SNAPC4: variants seen among roughly 807,000 people sequenced by gnomAD.
SNAPC4 encodes the protein small nuclear RNA activating complex polypeptide 4, also known as snRNA-activating protein complex subunit 4.
Under a neutral mutation model 151.3 loss-of-function variants are expected in SNAPC4, and 127 were observed. That is an observed-to-expected ratio of 0.84 (90% CI 0.73 to 0.97). The LOEUF (loss-of-function observed/expected upper bound fraction) is 0.97, where lower values mean the gene tolerates loss of function less well. Among genes scored for constraint, SNAPC4 ranks in the 50% least tolerant of loss-of-function variants. SNAPC4 has a pLI of 0.00. For missense variants in SNAPC4, 2,186 were observed against 1,935.0 expected, an observed-to-expected ratio of 1.13 and a Z score of -2.43; for synonymous variants, 1,002 against 824.4, an observed-to-expected ratio of 1.22 and a Z score of -3.69.
At chr9:136,399,841 G>C (rs985279991) in intron 1 of SNAPC4, among the ~76,000 whole-genome samples, 5 of 152,176 alleles carry the variant, frequency 3.3e-5, no homozygotes, top group African/African-American at 9.6e-5. Flanking sequence ...CGGAATCGCC[G>C]GCGCAGTCCC....
intron 14 of SNAPC4, among the ~76,000 whole-genome samples, chr9:136,384,273 C>T (rs979140645): frequency 2.0e-5 from 3 of 152,116 alleles, no homozygotes; most frequent in African/African-American, 4.8e-5. Context: ...TCGTCCTAAG[C>T]GCACACCACG....
chr9:136,383,261 GCCGTGGGCCCTGGCAGGGAC>G lies in SNAPC4; in HGVS notation c.1888_1907del (p.Val630ProfsTer73). 1.2e-6 allele frequency: 2 copies of G among 1,610,314 alleles called. No homozygotes were observed. The highest frequency in any genetic ancestry group is 1.7e-6 in the Non-Finnish European group (2 of 1,178,724). ...AGGCCTGGGCAGACCTCGGGACAGG[GCCGTGGGCCCTGGCAGGGAC>G]CTGCACCGGACTCGTCTCCTCTCCA... On this transcript the variant is annotated frameshift_variant, in exon 16 of 24. Coordinates refer to ENST00000684778, the MANE Select transcript of SNAPC4 (RefSeq NM_003086.4). LOFTEE classifies it high-confidence loss of function. This position sits in a 1 kb window ranked among gnomAD's most constrained non-coding sequence, Gnocchi z 4.2.
chr9:136,377,868 T>C lies in SNAPC4; in HGVS notation c.3959A>G (p.His1320Arg), dbSNP rs1335176916. Residue 1320 changes from histidine (H) to arginine (R), a missense_variant, in exon 22 of 24, where the codon CAC becomes CGC. Physicochemically the swap from His to Arg is conservative, Grantham distance 29. Coordinates refer to ENST00000684778, the MANE Select transcript of SNAPC4 (RefSeq NM_003086.4). ...GGCCTTGTGCTCCAGGGCCTTCTTG[T>C]GGAGTAGGAGACCGGACAGAGCTCG... ...SLRALSGLLL[H>R]KKALEHKATS... is the part of the protein sequence containing the mutation. 3 of 1,611,506 alleles carry C rather than the reference T, an allele frequency of 1.9e-6. No individual in the cohort carries two copies. Among genetic ancestry groups the C allele is most frequent in the East Asian group, 4.5e-5 (2 of 44,856 alleles).
intron 1 of SNAPC4, among the ~76,000 whole-genome samples, 192 bp downstream of exon 1, chr9:136,399,942 G>A (rs1010795505): frequency 1.6e-4 from 24 of 152,204 alleles, no homozygotes; most frequent in East Asian, 7.7e-4. Context: ...GGCTCCCAGG[G>A]CCAGAATCCC....
intron 10 of SNAPC4, among the ~76,000 whole-genome samples, chr9:136,391,607 C>A (rs1011325561): frequency 6.6e-6 from 1 of 152,204 alleles, no homozygotes; most frequent in East Asian, 1.9e-4. Flanking sequence ...GAGGAAAAAG[C>A]GCTTTAGAAA....
At chr9:136,396,576 C>T (rs375925045) in intron 3 of SNAPC4, among the ~76,000 whole-genome samples, 21 of 152,292 alleles carry the variant, frequency 1.4e-4, no homozygotes, top group African/African-American at 5.1e-4. Context: ...GCCACTGCAC[C>T]AGCTAATTTC....
chr9:136,394,169 C>A, intron 7 of SNAPC4, 80 bp downstream of exon 7: 1 of 1,140,348 alleles, frequency 8.8e-7, no homozygotes. Flanking sequence ...CCTGCCTTGG[C>A]CTCCCAAAGT....
chr9:136,378,076 C>A lies in SNAPC4; in HGVS notation c.3751G>T (p.Ala1251Ser). ...AGGGGCGGCTTCTCCAGGTCCAGGG[C>A]CCCCTTCTCAGGCCCAGGCTGGCGC... is the stretch of plus-strand genomic sequence containing the variant. ...PLRQPGPEKG[A>S]LDLEKPPLPQ... Residue 1251 changes from alanine to serine, a missense_variant, in exon 22 of 24, where the codon GCC (alanine) becomes TCC (serine). Ala to Ser is a moderately conservative substitution (Grantham distance 99). Transcript: ENST00000684778. The A allele has an allele frequency of 6.3e-7, 1 of 1,579,502 alleles. No homozygotes were observed. The highest frequency in any genetic ancestry group is 8.6e-7 in the Non-Finnish European group (1 of 1,163,598).
At position 136,376,357 on chromosome 9, in the gene SNAPC4, C is replaced by T; in HGVS notation, c.4409G>A (p.Ter1470=). 1 of 1,613,096 alleles carries T rather than the reference C, an allele frequency of 6.2e-7. No individual in the cohort carries two copies. The highest frequency in any genetic ancestry group is 1.1e-5 in the South Asian group (1 of 91,068). The change falls in exon 23 of 24, where the codon TGA becomes TAA. Residue 1470 remains the stop codon, a stop_retained_variant. Transcript: ENST00000684778. Reference sequence around the variant, plus strand: ...CCCCACTCAGGACTCACCTGCTGCTCACACCAGCCGCCTCCGCTTCCGGGT... The same window carrying T: ...CCCCACTCAGGACTCACCTGCTGCTTACACCAGCCGCCTCCGCTTCCGGGT... ...RHTRKRRRLV[*]
At chr9:136,393,382 G>T (rs1013338497) in intron 7 of SNAPC4, among the ~76,000 whole-genome samples, 1 of 152,268 alleles carries the variant, frequency 6.6e-6, no homozygotes, top group Non-Finnish European at 1.5e-5. Context: ...TGGCCCCACA[G>T]AAGACAGATG....
intron 18 of SNAPC4, 47 bp from the exon 19 acceptor site, chr9:136,381,439 G>C (rs1188977617): frequency 6.6e-7 from 1 of 1,514,780 alleles, no homozygotes; most frequent in South Asian, 1.1e-5. Context: ...GCTCCCATGG[G>C]CACAGGGGGA....
In SNAPC4 at chr9:136,377,870, G is replaced by A. The variant is rs749035030; in HGVS notation, c.3957C>T (p.Leu1319=). 6.2e-7 allele frequency: 1 copy of A among 1,611,524 alleles called. No individual in the cohort carries two copies. Among genetic ancestry groups the A allele is most frequent in the East Asian group, 2.2e-5 (1 of 44,866 alleles). The change falls in exon 22 of 24, where the codon CTC becomes CTT. Residue 1319 remains leucine, a synonymous_variant. Transcript: ENST00000684778. ...CCTTGTGCTCCAGGGCCTTCTTGTG[G>A]AGTAGGAGACCGGACAGAGCTCGCA... The part of the protein sequence containing the change: ...CSLRALSGLL[L]HKKALEHKAT...
intron 10 of SNAPC4, among the ~76,000 whole-genome samples, chr9:136,389,447 T>C (rs1353075600): frequency 6.6e-6 from 1 of 151,154 alleles, no homozygotes; most frequent in Admixed American, 6.6e-5. Flanking sequence ...GAGCTGTGAG[T>C]TTTGCTTCCA....
Position 136,379,303 on chromosome 9 carries a change from T to G in SNAPC4, c.2528-4A>C, listed in dbSNP as rs753397119. 9.3e-6 allele frequency: 15 copies of G among 1,612,142 alleles called. No homozygotes were observed. Among genetic ancestry groups the G allele is most frequent in the Non-Finnish European group, 1.2e-5 (14 of 1,179,810 alleles). On this transcript the variant is annotated splice_region_variant and splice_polypyrimidine_tract_variant and intron_variant, in intron 21 of 23. Transcript: ENST00000684778. ...GGCACGTTTGGGAAGAGGTGGCCTG[T>G]GGGGAGGAAAGACCCACACTTGATA...
At chr9:136,387,321 G>A (rs569623350) in intron 13 of SNAPC4, among the ~76,000 whole-genome samples, 164 bp downstream of exon 13, 2 of 152,312 alleles carry the variant, frequency 1.3e-5, no homozygotes, top group African/African-American at 2.4e-5. Flanking sequence ...TGGCAAGCAA[G>A]CGCCCACAGC....
At position 136,378,554 on chromosome 9, in the gene SNAPC4, T is replaced by C; in HGVS notation, c.3273A>G (p.Pro1091=). The change falls in exon 22 of 24, where the codon CCA becomes CCG. Residue 1091 remains proline (P), a synonymous_variant. Coordinates refer to ENST00000684778, the MANE Select transcript of SNAPC4 (RefSeq NM_003086.4). ...TAQGLLPVPV[P]AVVSLPRPAG... Reference sequence around the variant, plus strand: ...CTGGCCTGGGAAGGCTCACCACAGCTGGTACAGGAACAGGGAGAAGCCCCT... The same window carrying C: ...CTGGCCTGGGAAGGCTCACCACAGCCGGTACAGGAACAGGGAGAAGCCCCT... The C allele has an allele frequency of 6.3e-7, 1 of 1,593,094 alleles. No individual in the cohort carries two copies. The highest frequency in any genetic ancestry group is 8.5e-7 in the Non-Finnish European group (1 of 1,173,920).
chr9:136,376,236 A>G, intron 23 of SNAPC4, 113 bp downstream of exon 23: 1 of 1,316,846 alleles, frequency 7.6e-7, no homozygotes, highest in Non-Finnish European at 1.1e-6. Context: ...CACCTAACCC[A>G]GCACACCTGC....
At position 136,377,992 on chromosome 9, in the gene SNAPC4, C is replaced by G; in HGVS notation, c.3835G>C (p.Glu1279Gln). The change falls in exon 22 of 24, where the codon GAG becomes CAG. Residue 1279 changes from glutamate to glutamine, a missense_variant. Physicochemically the swap from Glu to Gln is conservative, Grantham distance 29. Transcript: ENST00000684778. The stretch of plus-strand genomic sequence containing the variant: ...CCCAGCCACTGCTGTGTGGCCGCCT[C>G]GCCCTCCTGGGACAGCAGGCCCAGG... Reference protein sequence around the residue: ...LDLGLLSQEGEAATQQWLGGQ... With the variant: ...LDLGLLSQEGQAATQQWLGGQ... The G allele has an allele frequency of 6.2e-7, 1 of 1,602,600 alleles. No individual in the cohort carries two copies. The highest frequency in any genetic ancestry group is 2.2e-5 in the East Asian group (1 of 44,586).
In SNAPC4 at chr9:136,382,074, C is replaced by A; in HGVS notation, c.2068-1G>T. 6.3e-7 allele frequency: 1 copy of A among 1,581,258 alleles called. No homozygotes were observed. ...GGGGTGGCTGCCTCAGCTGCTCTTT[C>A]TGTAAGGAGAAGGCAGCACCTGGGG... On this transcript the variant is annotated splice_acceptor_variant, in intron 17 of 23. Coordinates refer to ENST00000684778, the MANE Select transcript of SNAPC4 (RefSeq NM_003086.4). LOFTEE classifies it high-confidence loss of function.
Sources: gnomAD v4.1 joint callset for allele counts (sites outside exome capture counted in the v4.1 genomes callset) on GRCh38, gnomAD v4.1.1 for gene constraint, Gnocchi (gnomAD v3.1) non-coding constraint, MANE v1.5 for transcripts, NCBI Gene and HGNC (gene_info 2026-07-23, HGNC 2026-07-21) for gene names.